ANXA11: variants seen among roughly 807,000 people sequenced by gnomAD.
The protein encoded by ANXA11 is 56 kDa autoantigen.
ANXA11 carries 57 observed loss-of-function variants against 64.7 expected under a neutral mutation model. The observed-to-expected ratio is 0.88, with a 90% CI of 0.71 to 1.10. ANXA11 has a LOEUF of 1.10. Among genes scored for constraint, ANXA11 ranks in the 50% least tolerant of loss-of-function variants. The pLI, the probability that ANXA11 is intolerant of heterozygous loss-of-function variation, is 0.00. For missense variants in ANXA11, 675 were observed against 670.7 expected (o/e 1.01, Z -0.07); for synonymous variants, 260 against 265.2 (o/e 0.98, Z 0.19).
chr10:80,178,877 G>A lies in ANXA11; in HGVS notation c.-57-2722C>T, dbSNP rs543727929. Among the ~76,000 whole-genome samples the A allele has an allele frequency of 1.9e-3, 289 of 152,260 alleles. 1 individual carries two copies. Among genetic ancestry groups the A allele is most frequent in the African/African-American group, 6.6e-3 (275 of 41,542 alleles). Reference sequence around the variant, plus strand: ...TGGGATAGGCCCAGGAATCTGAAGTGTAAACAAGCATACATACCCCCCAGT... The same window carrying A: ...TGGGATAGGCCCAGGAATCTGAAGTATAAACAAGCATACATACCCCCCAGT... On this transcript the variant is annotated intron_variant, in intron 1 of 15. Coordinates refer to ENST00000422982, the MANE Select transcript of ANXA11 (RefSeq NM_145868.2).
At chr10:80,200,025 G>A (rs1421709988) in intron 1 of ANXA11, among the ~76,000 whole-genome samples, 13 of 152,218 alleles carry the variant, frequency 8.5e-5, no homozygotes, top group Admixed American at 8.5e-4. Flanking sequence ...GCGTAAATGA[G>A]AGGCAGAGCA....
chr10:80,184,427 C>T (rs886324885), intron 1 of ANXA11, among the ~76,000 whole-genome samples: 1 of 152,120 alleles, frequency 6.6e-6, no homozygotes, highest in South Asian at 2.1e-4. Flanking sequence ...ATTGTAACCC[C>T]ATCAAAAGTG....
chr10:80,152,774 A>T lies in ANXA11; in HGVS notation c.*3079T>A, dbSNP rs1845179397. On this transcript the variant is annotated 3_prime_UTR_variant, in exon 16 of 16. Coordinates refer to ENST00000422982, the MANE Select transcript of ANXA11 (RefSeq NM_145868.2). ...AGGTGCACTCCCTGGCTACAGGGTC[A>T]GCGGCTTAACTCTCCCTCTGGGCAC... 1 of 152,250 alleles carries T rather than the reference A, an allele frequency of 6.6e-6. No individual in the cohort carries two copies. The highest frequency in any genetic ancestry group is 1.5e-5 in the Non-Finnish European group (1 of 68,098). 9.4% of individuals were successfully genotyped at this position (152,250 alleles called of 1,614,324 possible). A position where few individuals can be genotyped will look rare whatever the true frequency, so the allele number is the denominator to read the frequency against.
At chr10:80,166,581 A>G (rs1845750287) in intron 7 of ANXA11, 1 of 468,604 alleles carries the variant, frequency 2.1e-6, no homozygotes, top group Non-Finnish European at 3.8e-6. Flanking sequence ...CATCAGCTAA[A>G]CCCCCCAGGG....
Position 80,166,140 on chromosome 10 carries a change from C to A in ANXA11, c.802G>T (p.Ala268Ser). Reference sequence around the variant, plus strand: ...AAGAGGACTGGGGTCTTCATCAGAGCCAAGATTGTCTTCTCAAAGTTTCCT... The same window carrying A: ...AAGAGGACTGGGGTCTTCATCAGAGACAAGATTGTCTTCTCAAAGTTTCCT... ...LSGNFEKTIL[A>S]LMKTPVLFDI... The change falls in exon 8 of 16, where the codon GCT (alanine) becomes TCT (serine). Residue 268 changes from alanine (A) to serine (S), a missense_variant. Ala to Ser is a moderately conservative substitution (Grantham distance 99). Transcript: ENST00000422982. The A allele has an allele frequency of 1.2e-6, 2 of 1,613,422 alleles. No individual in the cohort carries two copies. The highest frequency in any genetic ancestry group is 1.7e-6 in the Non-Finnish European group (2 of 1,179,710).
chr10:80,183,697 T>C (rs1589441500), intron 1 of ANXA11, among the ~76,000 whole-genome samples: 1 of 152,218 alleles, frequency 6.6e-6, no homozygotes, highest in Non-Finnish European at 1.5e-5. Context: ...CAGTGGGCCC[T>C]GCCCTTGGCA....
At chr10:80,191,149 C>G (rs1041617786) in intron 1 of ANXA11, among the ~76,000 whole-genome samples, 1 of 151,956 alleles carries the variant, frequency 6.6e-6, no homozygotes, top group Admixed American at 6.6e-5. Context: ...TACTTGAACC[C>G]GGGAGGTGGA....
rs557640803 is a variant in ANXA11, at chr10:80,168,524, TTTTTTG to T, written c.561+439_561+444del. Among the ~76,000 whole-genome samples the T allele has an allele frequency of 7.9e-3, 1,206 of 152,216 alleles. 8 individuals carry two copies. Among genetic ancestry groups the T allele is most frequent in the Non-Finnish European group, 0.013 (855 of 67,998 alleles). ...AGAAGGTGACGCTCTTTGTTTGTCT[TTTTTTG>T]TTTTTGTTTTTGTTTTAAAAACTGG... is the stretch of plus-strand genomic sequence containing the variant. On this transcript the variant is annotated intron_variant, in intron 5 of 15. Transcript: ENST00000422982.
At position 80,162,673 on chromosome 10, in the gene ANXA11, C is replaced by A. The variant is rs1845560505; in HGVS notation, c.1087-645G>T. On this transcript the variant is annotated intron_variant, in intron 11 of 15. Coordinates refer to ENST00000422982, the MANE Select transcript of ANXA11 (RefSeq NM_145868.2). The stretch of plus-strand genomic sequence containing the variant: ...GGGGGCATTCCTTGAGGTCTCATTC[C>A]AATCCCGCAGATGGTAGAGATAATT... Among the ~76,000 whole-genome samples the A allele has an allele frequency of 2.0e-5, 3 of 152,230 alleles. No individual in the cohort carries two copies. In the South Asian group the frequency reaches 6.2e-4, roughly 32 times the overall value.
rs147703936 is a variant in ANXA11, at chr10:80,202,018, G to A, written c.-58+3325C>T. ...AGCCCCTGGAAAGCTAGAGATCCCA[G>A]AACCAGGCTTTGACCACCGCACACT... On this transcript the variant is annotated intron_variant, in intron 1 of 15. Coordinates refer to ENST00000422982, the MANE Select transcript of ANXA11 (RefSeq NM_145868.2). 2.8e-4 allele frequency among the ~76,000 whole-genome samples: 42 copies of A among 152,116 alleles called. No homozygotes were observed. The East Asian group carries it at 8.1e-3, about 29-fold the overall frequency.
chr10:80,205,081 G>A (rs766701703), intron 1 of ANXA11, among the ~76,000 whole-genome samples: 45 of 152,110 alleles, frequency 3.0e-4, no homozygotes, highest in South Asian at 8.3e-4. Flanking sequence ...AGCCCGGGGG[G>A]ACGGCGAGTG....
chr10:80,173,326 G>A (rs1846050621), intron 2 of ANXA11, among the ~76,000 whole-genome samples: 1 of 152,218 alleles, frequency 6.6e-6, no homozygotes. Flanking sequence ...GGAAGTCAGA[G>A]GCCCCTGTCT....
At chr10:80,164,011 C>T in intron 9 of ANXA11, 42 bp downstream of exon 9, 1 of 1,543,282 alleles carries the variant, frequency 6.5e-7, no homozygotes, top group East Asian at 2.3e-5. Flanking sequence ...GCACAGGGAT[C>T]TGCAGAGGGC....
chr10:80,179,538 A>T (rs2132447413), intron 1 of ANXA11, among the ~76,000 whole-genome samples: 1 of 152,316 alleles, frequency 6.6e-6, no homozygotes, highest in South Asian at 2.1e-4. Context: ...CAGTTGTATG[A>T]CAGATGCACC....
At chr10:80,186,636 C>A (rs1300427391) in intron 1 of ANXA11, among the ~76,000 whole-genome samples, 3 of 152,214 alleles carry the variant, frequency 2.0e-5, no homozygotes, top group African/African-American at 7.2e-5. Context: ...GAAGCTCCAA[C>A]CCTGCGGGCA....
chr10:80,175,085 C>T (rs1281129257), intron 2 of ANXA11, among the ~76,000 whole-genome samples: 2 of 152,146 alleles, frequency 1.3e-5, no homozygotes, highest in African/African-American at 2.4e-5. Context: ...CCCCTAAGCA[C>T]GTGGTGGATG....
intron 12 of ANXA11, among the ~76,000 whole-genome samples, chr10:80,159,962 C>T (rs1024317802): frequency 6.6e-6 from 1 of 152,218 alleles, no homozygotes; most frequent in Admixed American, 6.5e-5. Context: ...CTTCTTGCTG[C>T]TCACCTCGAC....
intron 1 of ANXA11, among the ~76,000 whole-genome samples, chr10:80,177,316 C>T (rs966191088): frequency 3.9e-5 from 6 of 152,100 alleles, no homozygotes; most frequent in East Asian, 3.9e-4. Flanking sequence ...GGACCAAACG[C>T]CCCAGGTATG....
At chr10:80,166,059 C>T in intron 8 of ANXA11, 25 bp downstream of exon 8, 1 of 1,325,630 alleles carries the variant, frequency 7.5e-7, no homozygotes, top group Non-Finnish European at 1.1e-6. Flanking sequence ...CACACACACA[C>T]ACACACACAC....
Sources: allele counts gnomAD v4.1 joint callset (sites outside exome capture counted in the v4.1 genomes callset), GRCh38; gene constraint gnomAD v4.1.1; transcripts MANE v1.5; gene names NCBI Gene and HGNC (gene_info 2026-07-23, HGNC 2026-07-21).